ATP11C: variants seen among roughly 807,000 people sequenced by gnomAD.
ATP11C encodes the protein ATPase phospholipid transporting 11C (ATP11C blood group).
In ATP11C, 36 loss-of-function variants were observed where a neutral mutation model predicts 97.4. That is an observed-to-expected ratio of 0.37 (90% CI 0.28 to 0.49). The LOEUF is 0.49. Ranked by LOEUF, ATP11C falls within the 20% of genes least tolerant of loss-of-function variation. ATP11C has a pLI of 0.98. For synonymous variants in ATP11C, 275 were observed against 290.9 expected (o/e 0.95, Z 0.56); for missense variants, 730 against 824.6 (o/e 0.89, Z 1.40).
chrX:139,814,353 C>G (rs1378831450), intron 5 of ATP11C, among the ~76,000 whole-genome samples: 3 of 111,280 alleles, frequency 2.7e-5, no homozygotes, highest in Non-Finnish European at 5.7e-5. Context: ...AAGTTAAACA[C>G]GTAATTACAA....
At chrX:139,767,251 G>C (rs754772304) in intron 20 of ATP11C, among the ~76,000 whole-genome samples, 18 of 111,644 alleles carry the variant, frequency 1.6e-4, no homozygotes, top group Non-Finnish European at 2.1e-4. Flanking sequence ...TGAAAGCAAG[G>C]AGACCAGTGA....
chrX:139,758,433 C>A (rs2081977155), intron 22 of ATP11C, among the ~76,000 whole-genome samples: 1 of 111,455 alleles, frequency 9.0e-6, no homozygotes, highest in Admixed American at 9.5e-5. Context: ...TCAGGGCTCC[C>A]CCGCCCCTCC....
rs920524001 is a variant in ATP11C, at chrX:139,726,620, G to C, written c.*2346C>G. ...AATTATTACGAATTTTGCAAAGTTA[G>C]GCTTACATTTATACTGTTGCTGGTG... On this transcript the variant is annotated 3_prime_UTR_variant, in exon 30 of 30. Transcript: ENST00000682941. 8.9e-6 allele frequency: 1 copy of C among 112,433 alleles called. No individual in the cohort carries two copies. The highest frequency in any genetic ancestry group is 1.9e-5 in the Non-Finnish European group (1 of 53,177). The allele number at this position is 112,433 out of a possible 1,213,427, so 9.3% of individuals were successfully genotyped here. A position where few individuals can be genotyped will look rare whatever the true frequency, so the allele number is the denominator to read the frequency against.
In ATP11C at chrX:139,796,431, G is replaced by T; in HGVS notation, c.1048C>A (p.Leu350Ile). 8.3e-7 allele frequency: 1 copy of T among 1,201,603 alleles called. No individual in the cohort carries two copies. Among genetic ancestry groups the T allele is most frequent in the South Asian group, 1.8e-5 (1 of 55,508 alleles). The change falls in exon 12 of 30, where the codon CTA (leucine) becomes ATA (isoleucine). Residue 350 changes from leucine (L) to isoleucine (I), a missense_variant. By Grantham distance (5) the Leu-to-Ile change is conservative. Transcript: ENST00000682941. ...MFTDFLSFMV[L>I]FNFIIPVSMY... ...GAGACAGGAATGATAAAGTTGAATA[G>T]AACCATAAATGATAGGAAGTCGGTG... is the stretch of plus-strand genomic sequence containing the variant.
intron 1 of ATP11C, among the ~76,000 whole-genome samples, chrX:139,868,586 C>T (rs1268131400): frequency 9.3e-6 from 1 of 107,676 alleles, no homozygotes; most frequent in Admixed American, 1.0e-4. Flanking sequence ...ATTAGCCAGG[C>T]GTGGTGGCGG....
At chrX:139,799,006 T>C (rs1259236568) in intron 8 of ATP11C, among the ~76,000 whole-genome samples, 3 of 110,813 alleles carry the variant, frequency 2.7e-5, no homozygotes, top group African/African-American at 6.6e-5. Flanking sequence ...GATAAAAGGA[T>C]TATGAATCAT....
intron 1 of ATP11C, among the ~76,000 whole-genome samples, chrX:139,887,949 C>T (rs1297410342): frequency 6.8e-4 from 63 of 92,899 alleles, no homozygotes; most frequent in Non-Finnish European, 1.2e-3. Flanking sequence ...CCAGCCTGGG[C>T]GATAGAGCAA....
At chrX:139,835,541 A>G (rs2083733663) in intron 1 of ATP11C, among the ~76,000 whole-genome samples, 1 of 109,393 alleles carries the variant, frequency 9.1e-6, no homozygotes, top group African/African-American at 3.3e-5. Context: ...AATAGCTGGG[A>G]TTACAGGCGC....
In ATP11C at chrX:139,871,514, C is replaced by A. The variant is rs373579966; in HGVS notation, c.28-44691G>T. ...ATGAGCCACTGTGCCTGGCCACCCC[C>A]GCTTTTTTTTTTTTTTTTTTTTGAA... On this transcript the variant is annotated intron_variant, in intron 1 of 29. Transcript: ENST00000682941. Among the ~76,000 whole-genome samples, 451 of 99,058 alleles carry A rather than the reference C, an allele frequency of 4.6e-3. 5 individuals are homozygous for A. The highest frequency in any genetic ancestry group is 0.016 in the African/African-American group (412 of 26,446). 86.0% of individuals were successfully genotyped at this position (99,058 alleles called of 115,157 possible). A position where few individuals can be genotyped will look rare whatever the true frequency, so the allele number is the denominator to read the frequency against.
chrX:139,922,431 T>C (rs1603419414), intron 1 of ATP11C, among the ~76,000 whole-genome samples: 5 of 106,800 alleles, frequency 4.7e-5, no homozygotes, highest in Admixed American at 4.1e-4. Context: ...ACGTAAGGCA[T>C]TGAAGATCGA....
chrX:139,755,363 T>C (rs900785745), intron 23 of ATP11C, among the ~76,000 whole-genome samples: 16 of 112,322 alleles, frequency 1.4e-4, no homozygotes, highest in African/African-American at 5.2e-4. Flanking sequence ...AAACATTCCA[T>C]GCTCTTGGAT....
intron 6 of ATP11C, among the ~76,000 whole-genome samples, 179 bp downstream of exon 6, chrX:139,804,292 C>A (rs967372965): frequency 1.8e-5 from 2 of 111,163 alleles, no homozygotes; most frequent in Non-Finnish European, 3.8e-5. Context: ...CACCCTTTTA[C>A]CCAAACACGA....
chrX:139,763,723 T>C (rs2082081735), intron 20 of ATP11C, among the ~76,000 whole-genome samples: 1 of 112,298 alleles, frequency 8.9e-6, no homozygotes, highest in African/African-American at 3.2e-5. Context: ...ATTTTTATTG[T>C]TATACTGTTC....
intron 1 of ATP11C, among the ~76,000 whole-genome samples, chrX:139,876,249 T>C (rs1177722669): frequency 9.0e-6 from 1 of 111,653 alleles, no homozygotes; most frequent in African/African-American, 3.3e-5. Flanking sequence ...TACAGCCACT[T>C]CTCTAACAAG....
intron 1 of ATP11C, among the ~76,000 whole-genome samples, chrX:139,845,944 T>C (rs951411573): frequency 8.9e-6 from 1 of 112,389 alleles, no homozygotes; most frequent in Non-Finnish European, 1.9e-5. Context: ...AACAGGGAAG[T>C]TGTACACCAC....
chrX:139,926,759 G>C (rs2085357662), intron 1 of ATP11C, among the ~76,000 whole-genome samples: 2 of 112,432 alleles, frequency 1.8e-5, no homozygotes, highest in Admixed American at 9.4e-5. Flanking sequence ...AAGTATTCAG[G>C]ACACATTCAG....
At chrX:139,814,601 G>A (rs2083246327) in intron 5 of ATP11C, among the ~76,000 whole-genome samples, 1 of 111,527 alleles carries the variant, frequency 9.0e-6, no homozygotes. Context: ...AGTGAAAGAA[G>A]CTAGACAAAA....
chrX:139,848,485 CTTTT>C (rs1265604616), intron 1 of ATP11C, among the ~76,000 whole-genome samples: 3 of 107,210 alleles, frequency 2.8e-5, no homozygotes, highest in Non-Finnish European at 5.7e-5. Flanking sequence ...CCTCTACTCT[CTTTT>C]TTGTTTTTTT....
chrX:139,781,673 T>C (rs1177742491), intron 18 of ATP11C, among the ~76,000 whole-genome samples: 5 of 111,682 alleles, frequency 4.5e-5, no homozygotes, highest in Non-Finnish European at 9.4e-5. Flanking sequence ...GCCGAGATTG[T>C]GCCACTGCAC....
Sources: allele counts gnomAD v4.1 joint callset (sites outside exome capture counted in the v4.1 genomes callset), GRCh38; gene constraint gnomAD v4.1.1; transcripts MANE v1.5; gene names NCBI Gene and HGNC (gene_info 2026-07-23, HGNC 2026-07-21).